Variants in CDH20 observed in about 807,000 individuals in gnomAD.
CDH20 encodes cadherin 20.
In CDH20, 29 loss-of-function variants were observed where a neutral mutation model predicts 74.2. The observed-to-expected ratio is 0.39, with a 90% CI of 0.29 to 0.53. CDH20 has a LOEUF of 0.53. CDH20 is among the 20% of genes least tolerant of loss of function. The pLI is 0.69. For synonymous variants in CDH20, 469 were observed against 405.4 expected (o/e 1.16, Z -1.88); for missense variants, 988 against 1,048.3 (o/e 0.94, Z 0.79).
chr18:61,529,027 CG>C (rs1322621131), intron 7 of CDH20, among the ~76,000 whole-genome samples: 1 of 152,154 alleles, frequency 6.6e-6, no homozygotes, highest in Non-Finnish European at 1.5e-5. Flanking sequence ...AAGATGCTTC[CG>C]CTCAAGAAGA....
chr18:61,505,239 G>C (rs1008569235), intron 5 of CDH20, among the ~76,000 whole-genome samples: 1 of 152,016 alleles, frequency 6.6e-6, no homozygotes, highest in African/African-American at 2.4e-5. Flanking sequence ...CGGACATATT[G>C]CCGGGAGTCA....
chr18:61,349,281 A>C (rs1416020477), intron 1 of CDH20, among the ~76,000 whole-genome samples: 1 of 152,216 alleles, frequency 6.6e-6, no homozygotes, highest in Non-Finnish European at 1.5e-5. Context: ...AGGTGAATTT[A>C]AGCCCTAGAG....
intron 1 of CDH20, among the ~76,000 whole-genome samples, chr18:61,402,447 G>A (rs1414893398): frequency 6.6e-6 from 1 of 152,050 alleles, no homozygotes; most frequent in African/African-American, 2.4e-5. Flanking sequence ...GAAAAAAAAA[G>A]GAAATTGACT....
chr18:61,427,746 G>C (rs111360996), intron 1 of CDH20, among the ~76,000 whole-genome samples: 180 of 152,328 alleles, frequency 1.2e-3, no homozygotes, highest in African/African-American at 4.2e-3. Context: ...TGATCACACT[G>C]TATGTAGCGC....
At chr18:61,527,831 C>A in intron 6 of CDH20, 136 bp from the exon 7 acceptor site, 1 of 781,404 alleles carries the variant, frequency 1.3e-6, no homozygotes, top group Non-Finnish European at 2.1e-6. Flanking sequence ...CCCTTCTTTC[C>A]CGTTTACCTT....
intron 1 of CDH20, among the ~76,000 whole-genome samples, chr18:61,458,513 A>T (rs1344277666): frequency 6.6e-6 from 1 of 152,138 alleles, no homozygotes; most frequent in Non-Finnish European, 1.5e-5. Flanking sequence ...GAGTTCTGCC[A>T]GACAATTGGC....
rs781678811 is a variant in CDH20 at position 61,506,620 on chromosome 18, G to A, written c.830-753G>A. On this transcript the variant is annotated intron_variant, in intron 5 of 11. Coordinates refer to ENST00000262717, the MANE Select transcript of CDH20 (RefSeq NM_031891.4). ...AGAAAAAGTAAGTTGGTAAAAATAC[G>A]AATTCATGGAGATGAAAGTGAACTA... is the stretch of plus-strand genomic sequence containing the variant. Among the ~76,000 whole-genome samples the A allele has an allele frequency of 3.9e-5, 6 of 152,322 alleles. No individual in the cohort carries two copies. The South Asian group carries it at 6.2e-4, about 16-fold the overall frequency.
intron 1 of CDH20, among the ~76,000 whole-genome samples, chr18:61,475,954 C>T (rs982069937): frequency 2.0e-5 from 3 of 152,116 alleles, no homozygotes; most frequent in Admixed American, 2.0e-4. Context: ...CCTTTTCATC[C>T]TTGAGGGGGA....
intron 1 of CDH20, among the ~76,000 whole-genome samples, chr18:61,397,201 C>A (rs1004715334): frequency 6.6e-6 from 1 of 152,062 alleles, no homozygotes; most frequent in Non-Finnish European, 1.5e-5. Context: ...TTCTCTGGAA[C>A]CCACCCACAT....
rs150175200 is a variant in CDH20, at chr18:61,500,426, G to A, written c.585G>A (p.Pro195=). ...IQVTATDADD[P]TYGNSARVVY... ...TGACAGCCACAGATGCAGATGACCC[G>A]ACCTACGGCAACAGTGCCAGGGTGG... Residue 195 remains proline (P), a synonymous_variant, in exon 4 of 12, where the codon CCG becomes CCA. Transcript: ENST00000262717. 1,113 of 1,612,908 alleles carry A rather than the reference G, an allele frequency of 6.9e-4. 3 individuals carry two copies. Among genetic ancestry groups the A allele is most frequent in the Admixed American group, 8.5e-4 (51 of 60,006 alleles).
At chr18:61,504,469 C>T (rs686445) in intron 5 of CDH20, among the ~76,000 whole-genome samples, 5,873 of 152,060 alleles carry the variant, frequency 0.039, 133 homozygotes, top group African/African-American at 0.059. Context: ...CATAATGGAA[C>T]GAGTGGCAGT....
intron 1 of CDH20, among the ~76,000 whole-genome samples, chr18:61,401,606 A>G (rs760249819): frequency 1.3e-5 from 2 of 152,254 alleles, no homozygotes; most frequent in Non-Finnish European, 2.9e-5. Context: ...GTAGCTGGTA[A>G]GTCTATAAGT....
At chr18:61,526,852 G>A (rs756147077) in intron 6 of CDH20, among the ~76,000 whole-genome samples, 7 of 152,178 alleles carry the variant, frequency 4.6e-5, no homozygotes, top group Non-Finnish European at 1.0e-4. Context: ...TGCATCTTGG[G>A]TTCTTCAACT....
At chr18:61,384,089 G>A (rs1314033678) in intron 1 of CDH20, among the ~76,000 whole-genome samples, 1 of 152,110 alleles carries the variant, frequency 6.6e-6, no homozygotes, top group African/African-American at 2.4e-5. Flanking sequence ...AGGGGGTGGT[G>A]GTTCTCGAAT....
intron 11 of CDH20, among the ~76,000 whole-genome samples, chr18:61,552,580 A>C (rs1412829481): frequency 1.3e-5 from 2 of 152,128 alleles, no homozygotes; most frequent in Non-Finnish European, 2.9e-5. Context: ...ACCTCTGTGA[A>C]GCCCTACCCA....
intron 1 of CDH20, among the ~76,000 whole-genome samples, chr18:61,375,352 C>T (rs1277435837): frequency 1.3e-5 from 2 of 152,204 alleles, no homozygotes; most frequent in Non-Finnish European, 2.9e-5. Flanking sequence ...GTTCATCCTT[C>T]CACAGACCCT....
chr18:61,523,569 G>T (rs112895318), intron 6 of CDH20, among the ~76,000 whole-genome samples: 1 of 152,146 alleles, frequency 6.6e-6, no homozygotes, highest in Non-Finnish European at 1.5e-5. Flanking sequence ...CCATTACTGG[G>T]TATATACCCA....
chr18:61,351,205 T>C (rs1255160811), intron 1 of CDH20, among the ~76,000 whole-genome samples: 2 of 152,262 alleles, frequency 1.3e-5, no homozygotes, highest in Admixed American at 6.5e-5. Context: ...AAGTGCACTG[T>C]CTACCGAGTA....
chr18:61,375,633 C>T (rs1378738589), intron 1 of CDH20, among the ~76,000 whole-genome samples: 1 of 152,066 alleles, frequency 6.6e-6, no homozygotes, highest in Non-Finnish European at 1.5e-5. Context: ...CCCTTCCATC[C>T]ATCTAGTCAA....
Sources: gnomAD v4.1 joint callset for allele counts (sites outside exome capture counted in the v4.1 genomes callset) on GRCh38, gnomAD v4.1.1 for gene constraint, MANE v1.5 for transcripts, NCBI Gene and HGNC (gene_info 2026-07-23, HGNC 2026-07-21) for gene names.